Variants in CCDC12 observed in about 807,000 individuals in gnomAD.
The protein encoded by CCDC12 is coiled-coil domain-containing protein 12.
A neutral mutation model predicts 25.7 loss-of-function variants in CCDC12; 28 were observed. That is an observed-to-expected ratio of 1.09 (90% CI 0.81 to 1.50). The LOEUF (loss-of-function observed/expected upper bound fraction) is 1.50. Among genes scored for constraint, CCDC12 ranks in the 40% most tolerant of loss-of-function variants. The pLI is 0.00. For synonymous variants in CCDC12, 75 were observed against 87.7 expected (o/e 0.86, Z 0.81); for missense variants, 198 against 210.0 (o/e 0.94, Z 0.35).
At chr3:46,939,802 A>T (rs977461902) in intron 2 of CCDC12, among the ~76,000 whole-genome samples, 8 of 152,270 alleles carry the variant, frequency 5.3e-5, no homozygotes, top group African/African-American at 1.9e-4. Context: ...ATTGCTCCTG[A>T]TTACAAAGGC....
chr3:46,948,383 T>C (rs1022707408), intron 1 of CCDC12, among the ~76,000 whole-genome samples: 8 of 152,128 alleles, frequency 5.3e-5, no homozygotes, highest in Admixed American at 4.6e-4. Context: ...AGATAAGGAC[T>C]GGAGATAAGG....
intron 2 of CCDC12, among the ~76,000 whole-genome samples, chr3:46,937,383 C>A (rs1187388037): frequency 2.0e-5 from 3 of 152,180 alleles, no homozygotes. Context: ...GAGTGGGCAC[C>A]ACACTCCTCT....
chr3:46,939,350 A>T (rs2033600991), intron 2 of CCDC12, among the ~76,000 whole-genome samples: 1 of 151,838 alleles, frequency 6.6e-6, no homozygotes, highest in South Asian at 2.1e-4. Flanking sequence ...CTTCTCTCTC[A>T]TCGAGGAGGG....
intron 1 of CCDC12, among the ~76,000 whole-genome samples, chr3:46,962,434 C>CAA (rs33969115): frequency 0.26 from 16,597 of 63,230 alleles, 2,213 homozygotes; most frequent in Middle Eastern, 0.35. Flanking sequence ...AACTCTATCT[C>CAA]AAAAAAAAAA....
At chr3:46,951,667 C>G (rs1157649054) in intron 1 of CCDC12, among the ~76,000 whole-genome samples, 1 of 146,828 alleles carries the variant, frequency 6.8e-6, no homozygotes. Flanking sequence ...GCAGTCCCAG[C>G]TACTCGGGAG....
Position 46,921,740 on chromosome 3 carries a change from A to C in CCDC12, c.*317T>G. On this transcript the variant is annotated 3_prime_UTR_variant, in exon 7 of 7. Coordinates refer to ENST00000683445, the MANE Select transcript of CCDC12 (RefSeq NM_001277074.2). ...TATCTGACACATTTCTGCCACACAC[A>C]GGGGTTTACTTGTTTCTATTTCCAG... The C allele has an allele frequency of 2.9e-6, 1 of 349,662 alleles. No individual in the cohort carries two copies. Among genetic ancestry groups the C allele is most frequent in the Non-Finnish European group, 5.3e-6 (1 of 189,956 alleles). 21.7% of individuals were successfully genotyped at this position (349,662 alleles called of 1,614,324 possible).
At chr3:46,964,952 AAAATAAAATAAAAT>A (rs1054641428) in intron 1 of CCDC12, among the ~76,000 whole-genome samples, 5 of 151,886 alleles carry the variant, frequency 3.3e-5, no homozygotes, top group Non-Finnish European at 7.4e-5. Flanking sequence ...GATCAATAAA[AAAATAAAATAAAAT>A]AAATAAAATA....
In CCDC12 at chr3:46,921,951, G is replaced by T; in HGVS notation, c.*106C>A. The T allele has an allele frequency of 1.6e-6, 2 of 1,238,282 alleles. No homozygotes were observed. The highest frequency in any genetic ancestry group is 2.3e-6 in the Non-Finnish European group (2 of 864,832). The allele number at this position is 1,238,282 out of a possible 1,614,324, so 76.7% of individuals were successfully genotyped here. A position where few individuals can be genotyped will look rare whatever the true frequency, so the allele number is the denominator to read the frequency against. Reference sequence around the variant, plus strand: ...CAGACTTGATGGGCAGGGAGTCTCTGCTCAGAAGCCAAACTGGAGGTGATG... The same window carrying T: ...CAGACTTGATGGGCAGGGAGTCTCTTCTCAGAAGCCAAACTGGAGGTGATG... On this transcript the variant is annotated 3_prime_UTR_variant, in exon 7 of 7. Coordinates refer to ENST00000683445, the MANE Select transcript of CCDC12 (RefSeq NM_001277074.2).
chr3:46,961,080 G>T (rs2107179634), intron 1 of CCDC12, among the ~76,000 whole-genome samples: 1 of 151,992 alleles, frequency 6.6e-6, no homozygotes, highest in Non-Finnish European at 1.5e-5. Context: ...TGGTGGTGTT[G>T]TGAGGTTAAG....
At chr3:46,941,639 A>G (rs552994383) in intron 1 of CCDC12, among the ~76,000 whole-genome samples, 1 of 151,924 alleles carries the variant, frequency 6.6e-6, no homozygotes, top group East Asian at 1.9e-4. Context: ...CTTAGAGAAC[A>G]CTCACAGAAA....
At chr3:46,948,363 G>A (rs2033985915) in intron 1 of CCDC12, among the ~76,000 whole-genome samples, 1 of 152,234 alleles carries the variant, frequency 6.6e-6, no homozygotes, top group African/African-American at 2.4e-5. Context: ...TGGGAGAACA[G>A]CGAGGCTAGA....
At chr3:46,981,648 C>G (rs1263406441), upstream of CCDC12, among the ~76,000 whole-genome samples, 4 of 152,126 alleles carry the variant, frequency 2.6e-5, 1 homozygote, top group Admixed American at 2.0e-4. Flanking sequence ...CTACCCTAGT[C>G]CTCCTTCCTC....
chr3:46,948,021 C>T (rs1461635988), intron 1 of CCDC12, among the ~76,000 whole-genome samples: 2 of 152,220 alleles, frequency 1.3e-5, no homozygotes, highest in Admixed American at 6.5e-5. Flanking sequence ...GAAAAGCCAG[C>T]GGGGCACAGG....
At chr3:46,925,241 A>G in intron 3 of CCDC12, 1 of 696,760 alleles carries the variant, frequency 1.4e-6, no homozygotes, top group Non-Finnish European at 2.6e-6. Context: ...AGCAGGACTG[A>G]GAAGGCACAA....
intron 2 of CCDC12, among the ~76,000 whole-genome samples, chr3:46,937,500 G>A (rs991412187): frequency 3.9e-5 from 6 of 152,178 alleles, no homozygotes; most frequent in South Asian, 2.1e-4. Flanking sequence ...CCCAGCAGCC[G>A]AGGAAGAAGG....
At position 46,975,685 on chromosome 3, in the gene CCDC12, C is replaced by T. The variant is rs1323707139; in HGVS notation, c.96+952G>A. ...AGCTGGGACCACAGGCACCCGCCACCACGCCCGGCTAATTTTTTTGTATTT... is the reference window on the plus strand; with the variant it reads ...AGCTGGGACCACAGGCACCCGCCACTACGCCCGGCTAATTTTTTTGTATTT... On this transcript the variant is annotated intron_variant, in intron 1 of 6. Transcript: ENST00000683445. Among the ~76,000 whole-genome samples, 3 of 151,962 alleles carry T rather than the reference C, an allele frequency of 2.0e-5. No homozygotes were observed. The South Asian group carries it at 6.2e-4, about 32-fold the overall frequency.
chr3:46,963,262 G>A (rs1025778638), intron 1 of CCDC12, among the ~76,000 whole-genome samples: 2 of 152,158 alleles, frequency 1.3e-5, no homozygotes, highest in Non-Finnish European at 2.9e-5. Context: ...AAATTACTGA[G>A]CTGATTTATG....
intron 2 of CCDC12, among the ~76,000 whole-genome samples, chr3:46,928,397 T>G (rs192416322): frequency 2.0e-5 from 3 of 152,368 alleles, no homozygotes; most frequent in East Asian, 3.9e-4. Context: ...TCTATTTACA[T>G]GCAGCAGCTG....
intron 1 of CCDC12, among the ~76,000 whole-genome samples, chr3:46,969,213 C>T (rs1437535242): frequency 1.3e-5 from 2 of 152,166 alleles, no homozygotes; most frequent in Admixed American, 1.3e-4. Context: ...TACCCTCCCC[C>T]AACCTGGCCA....
Sources: allele counts gnomAD v4.1 joint callset (sites outside exome capture counted in the v4.1 genomes callset), GRCh38; gene constraint gnomAD v4.1.1; transcripts MANE v1.5; gene names NCBI Gene and HGNC (gene_info 2026-07-23, HGNC 2026-07-21).